The following MTSS2 variants were observed in gnomAD, a reference collection of about 807,000 sequenced individuals.
MTSS2 encodes MTSS I-BAR domain containing 2, also known as protein MTSS 2.
In MTSS2, 27 loss-of-function variants were observed where a neutral mutation model predicts 67.1. The observed-to-expected ratio is 0.40, with a 90% CI of 0.30 to 0.55. The LOEUF (loss-of-function observed/expected upper bound fraction) is 0.55, where lower values mean the gene tolerates loss of function less well. Ranked by LOEUF, MTSS2 falls within the 20% of genes least tolerant of loss-of-function variation. The probability of loss-of-function intolerance (pLI) is 0.43; values close to 1 mark genes in which losing one functional copy is unlikely to be tolerated. For missense variants in MTSS2, 1,171 were observed against 1,067.8 expected (o/e 1.10, Z -1.35); for synonymous variants, 624 against 468.6 (o/e 1.33, Z -4.28).
At chr16:70,679,513 C>A in intron 6 of MTSS2, 117 bp downstream of exon 6, 4 of 1,286,476 alleles carry the variant, frequency 3.1e-6, no homozygotes, top group Non-Finnish European at 4.3e-6. Flanking sequence ...TTGGAGGGTC[C>A]TGTGTCGGGG....
intron 1 of MTSS2, among the ~76,000 whole-genome samples, chr16:70,683,904 A>G (rs570788583): frequency 6.6e-6 from 1 of 152,328 alleles, no homozygotes; most frequent in African/African-American, 2.4e-5. Context: ...GCCCCTGAAC[A>G]CATGCCTGTG....
intron 14 of MTSS2, 46 bp downstream of exon 14, chr16:70,664,552 C>T: frequency 1.3e-6 from 2 of 1,598,588 alleles, no homozygotes; most frequent in South Asian, 2.2e-5. Flanking sequence ...TCCTGGATGG[C>T]TAAGTCCCAG....
At chr16:70,667,976 G>GT (rs11381159) in intron 11 of MTSS2, among the ~76,000 whole-genome samples, 66,812 of 143,530 alleles carry the variant, frequency 0.47, 15,297 homozygotes, top group Non-Finnish European at 0.51. Flanking sequence ...AATCCCAGGA[G>GT]TTTTTTTTTT....
At chr16:70,677,192 G>C (rs2053145829) in intron 9 of MTSS2, among the ~76,000 whole-genome samples, 1 of 152,188 alleles carries the variant, frequency 6.6e-6, no homozygotes, top group African/African-American at 2.4e-5. Context: ...GCACTGAGTA[G>C]AGATTCCGAG....
At chr16:70,677,382 G>C (rs1025978908) in intron 9 of MTSS2, among the ~76,000 whole-genome samples, 3 of 152,164 alleles carry the variant, frequency 2.0e-5, no homozygotes, top group Non-Finnish European at 4.4e-5. Flanking sequence ...CTGTGGGACA[G>C]GACTGGTCTG....
intron 2 of MTSS2, 46 bp downstream of exon 2, chr16:70,680,918 G>GGGGGGGGGGGGCC: frequency 1.8e-6 from 2 of 1,097,884 alleles, no homozygotes; most frequent in Non-Finnish European, 1.3e-6. Flanking sequence ...CGGGGGGGGG[G>GGGGGGGGGGGGCC]CCTCTGCCTG....
In MTSS2 at chr16:70,663,293, T is replaced by C; in HGVS notation, c.*384A>G. On this transcript the variant is annotated 3_prime_UTR_variant, in exon 15 of 15. Coordinates refer to ENST00000338779, the MANE Select transcript of MTSS2 (RefSeq NM_138383.3). ...GGGGGGCCAGCATTCCAGGAGGAGC[T>C]GAGGCAGGACCAGCCCTGGGAGAGG... is the stretch of plus-strand genomic sequence containing the variant. 1 of 213,878 alleles carries C rather than the reference T, an allele frequency of 4.7e-6. No homozygotes were observed. The highest frequency in any genetic ancestry group is 9.3e-6 in the Non-Finnish European group (1 of 108,088). 13.2% of individuals were successfully genotyped at this position (213,878 alleles called of 1,614,324 possible).
At chr16:70,680,908 C>CA in intron 2 of MTSS2, 41 bp from the exon 3 acceptor site, 2 of 1,174,318 alleles carry the variant, frequency 1.7e-6, no homozygotes. Context: ...GGTGGTTGGG[C>CA]GGGGGGGGGG....
chr16:70,663,934 C>CGTCCTCGGCCCCTGCCCCGGG lies in MTSS2; in HGVS notation c.1966_1986dup (p.Pro656_Asp662dup). ...CGGTTGGCCGCCAGCTGCTGCTGCT[C>CGTCCTCGGCCCCTGCCCCGGG]GTCCTCGGCCCCTGCCCCGGGGTAC... is the stretch of plus-strand genomic sequence containing the variant. On this transcript the variant is annotated inframe_insertion, in exon 15 of 15. Transcript: ENST00000338779. 6.4e-7 allele frequency: 1 copy of CGTCCTCGGCCCCTGCCCCGGG among 1,554,340 alleles called. No individual in the cohort carries two copies. The highest frequency in any genetic ancestry group is 8.7e-7 in the Non-Finnish European group (1 of 1,151,946).
chr16:70,664,554 A>C, intron 14 of MTSS2, 44 bp downstream of exon 14: 1 of 1,599,502 alleles, frequency 6.3e-7, no homozygotes, highest in Non-Finnish European at 8.5e-7. Context: ...CTGGATGGCT[A>C]AGTCCCAGCT....
chr16:70,667,255 C>T (rs976772290), intron 11 of MTSS2, among the ~76,000 whole-genome samples: 10 of 116,340 alleles, frequency 8.6e-5, no homozygotes, highest in African/African-American at 2.1e-4. Context: ...CTCCAGTGTG[C>T]GTGACAGAGC....
rs770975189 is a variant in MTSS2 at position 70,664,276 on chromosome 16, T to G, written c.1645A>C (p.Thr549Pro). The change falls in exon 15 of 15, where the codon ACG becomes CCG. Residue 549 changes from threonine (T) to proline (P), a missense_variant. Thr to Pro is a conservative substitution (Grantham distance 38). Around this residue, in one of 2 missense-constraint regions of MTSS2, gnomAD observed 924 missense variants for 756.0 expected, o/e 1.22. Transcript: ENST00000338779. ...GCGCCCGAGGGCAGGCCAGTGGCCG[T>G]GGGCAGCCCCGCGGTGGGCAGCCCA... ...TAGLPTAGLPTATGLPSGAPP... is the reference protein window; with the variant it reads ...TAGLPTAGLPPATGLPSGAPP... 3.9e-6 allele frequency: 6 copies of G among 1,558,162 alleles called. No homozygotes were observed. In the South Asian group the frequency reaches 6.1e-5, roughly 16 times the overall value.
chr16:70,665,467 G>T lies in MTSS2; in HGVS notation c.1127C>A (p.Ser376Ter). The T allele has an allele frequency of 6.4e-7, 1 of 1,554,360 alleles. No homozygotes were observed. Among genetic ancestry groups the T allele is most frequent in the Non-Finnish European group, 8.7e-7 (1 of 1,150,138 alleles). ...TGGGGCCGGGCTGGGAGCACTGACC[G>T]AGGTGGGGGAGCTGCACTCGCTAAC... ...QSVSECSSPT[S>*]DWSKVGSHEQ... Residue 376 changes from serine (S) to a stop codon, truncating the protein, a stop_gained and splice_region_variant, in exon 12 of 15, where the codon TCG becomes TAG. Coordinates refer to ENST00000338779, the MANE Select transcript of MTSS2 (RefSeq NM_138383.3). LOFTEE classifies it high-confidence loss of function.
intron 11 of MTSS2, among the ~76,000 whole-genome samples, chr16:70,673,801 C>A (rs1479293286): frequency 1.3e-5 from 2 of 151,774 alleles, no homozygotes; most frequent in Non-Finnish European, 2.9e-5. Context: ...ATATTAAGGG[C>A]CTTGAATTAC....
chr16:70,664,971 G>C lies in MTSS2; in HGVS notation c.1254C>G (p.Ser418Arg). ...GPASGGTLGP[S>R]GEEAPRPRMS... ...TCCGGGGTCGCGGTGCCTCTTCCCCGCTGGGGCCCAGGGTGCCCCCACTGG... is the reference window on the plus strand; with the variant it reads ...TCCGGGGTCGCGGTGCCTCTTCCCCCCTGGGGCCCAGGGTGCCCCCACTGG... The change falls in exon 13 of 15, where the codon AGC becomes AGG. Residue 418 changes from serine to arginine, a missense_variant. Physicochemically the swap from Ser to Arg is moderately radical, Grantham distance 110. This residue lies in a region of MTSS2 where 924 missense variants were observed against 756.0 expected (regional missense o/e 1.22). Transcript: ENST00000338779. The C allele has an allele frequency of 3.2e-6, 5 of 1,579,974 alleles. No individual in the cohort carries two copies. Among genetic ancestry groups the C allele is most frequent in the Non-Finnish European group, 4.3e-6 (5 of 1,171,450 alleles).
chr16:70,677,946 C>T, intron 8 of MTSS2, 47 bp from the exon 9 acceptor site: 3 of 1,446,760 alleles, frequency 2.1e-6, no homozygotes, highest in African/African-American at 1.4e-5. Context: ...GCCCACCTGC[C>T]CGCCTGCCCA....
chr16:70,674,190 CAGTCTCAACAGCTATAGT>C (rs11267213), intron 11 of MTSS2, 98 bp downstream of exon 11: 584,098 of 974,942 alleles, frequency 0.6, 174,373 homozygotes, highest in African/African-American at 0.63. Context: ...GCCTTCAGGC[CAGTCTCAACAGCTATAGT>C]AGTCTCAACA....
rs185186457 is a variant in MTSS2 at position 70,661,335 on chromosome 16, C to G, written c.*2342G>C. 3 of 430,704 alleles carry G rather than the reference C, an allele frequency of 7.0e-6. No homozygotes were observed. The highest frequency in any genetic ancestry group is 4.8e-5 in the African/African-American group (2 of 41,674). The allele number at this position is 430,704 out of a possible 1,614,324, so 26.7% of individuals were successfully genotyped here. A position where few individuals can be genotyped will look rare whatever the true frequency, so the allele number is the denominator to read the frequency against. On this transcript the variant is annotated 3_prime_UTR_variant, in exon 15 of 15. Coordinates refer to ENST00000338779, the MANE Select transcript of MTSS2 (RefSeq NM_138383.3). Reference sequence around the variant, plus strand: ...GAGGAGAGGAGAATTTTTCCAAAATCTGACGGAAAGAAAAGAAACAAATGG... The same window carrying G: ...GAGGAGAGGAGAATTTTTCCAAAATGTGACGGAAAGAAAAGAAACAAATGG...
rs1356667441 is a variant in MTSS2, at chr16:70,663,736, G to A, written c.2185C>T (p.Arg729Cys). The stretch of plus-strand genomic sequence containing the variant: ...ACGGTCCTGCGGAGCCGGACCCCAC[G>A]CCGGATGGCCACCAGCATGTCTTCG... ...PAEDMLVAIR[R>C]GVRLRRTVTN... Residue 729 changes from arginine to cysteine, a missense_variant, in exon 15 of 15, where the codon CGT becomes TGT. By Grantham distance (180) the Arg-to-Cys change is radical. This residue lies in a region of MTSS2 where 924 missense variants were observed against 756.0 expected (regional missense o/e 1.22). Transcript: ENST00000338779. 5.1e-6 allele frequency: 8 copies of A among 1,576,648 alleles called. No individual in the cohort carries two copies. The Admixed American group carries it at 5.4e-5, about 11-fold the overall frequency.
Sources: gnomAD v4.1 joint callset for allele counts (sites outside exome capture counted in the v4.1 genomes callset) on GRCh38, gnomAD v4.1.1 for gene constraint, gnomAD v4.1.1 regional missense constraint, MANE v1.5 for transcripts, NCBI Gene and HGNC (gene_info 2026-07-23, HGNC 2026-07-21) for gene names.